NIPSNAP3B: variants seen among roughly 807,000 people sequenced by gnomAD.
NIPSNAP3B encodes the protein nipsnap homolog 3B, also known as protein NipSnap homolog 3B.
In NIPSNAP3B, 30 loss-of-function variants were observed where a neutral mutation model predicts 31.5. The observed-to-expected ratio is 0.95, with a 90% CI of 0.71 to 1.29. The LOEUF is 1.29. Among genes scored for constraint, NIPSNAP3B ranks in the 50% most tolerant of loss-of-function variants. The probability of loss-of-function intolerance (pLI) is 0.00; values close to 1 mark genes in which losing one functional copy is unlikely to be tolerated. For synonymous variants in NIPSNAP3B, 106 were observed against 107.9 expected (o/e 0.98, Z 0.11); for missense variants, 269 against 300.7 (o/e 0.89, Z 0.78).
In NIPSNAP3B at chr9:104,777,094, A is replaced by G. The variant is rs1828353066; in HGVS notation, c.*4021A>G. ...TGTCTGTTGGTTATAAGTTGCTGTC[A>G]CAGACTATGAAGGTATTTGAATTGT... On this transcript the variant is annotated 3_prime_UTR_variant, in exon 6 of 6. Transcript: ENST00000374762. 6.6e-6 allele frequency: 1 copy of G among 152,244 alleles called. No individual in the cohort carries two copies. The allele number at this position is 152,244 out of a possible 1,614,324, so 9.4% of individuals were successfully genotyped here. A position where few individuals can be genotyped will look rare whatever the true frequency, so the allele number is the denominator to read the frequency against.
Position 104,774,353 on chromosome 9 carries a change from G to A in NIPSNAP3B, c.*1280G>A, listed in dbSNP as rs1161989716. 6.6e-6 allele frequency among the ~76,000 whole-genome samples: 1 copy of A among 152,162 alleles called. No homozygotes were observed. On this transcript the variant is annotated 3_prime_UTR_variant, in exon 6 of 6. Coordinates refer to ENST00000374762, the MANE Select transcript of NIPSNAP3B (RefSeq NM_018376.4). Reference sequence around the variant, plus strand: ...TATTTATGAGAGGCAGGCAGTGGCAGCTTAAACAGACATACCTCCTCAGCA... The same window carrying A: ...TATTTATGAGAGGCAGGCAGTGGCAACTTAAACAGACATACCTCCTCAGCA...
chr9:104,778,255 A>G (rs1038031220), downstream of NIPSNAP3B, among the ~76,000 whole-genome samples: 5 of 151,610 alleles, frequency 3.3e-5, no homozygotes, highest in Non-Finnish European at 5.9e-5. Context: ...TTTTAGATGG[A>G]GTTTCGCTCT....
At chr9:104,789,045 G>C in the NIPSNAP3B span, among the ~76,000 whole-genome samples, 1 of 152,230 alleles carries the variant, frequency 6.6e-6, no homozygotes, top group East Asian at 1.9e-4. Flanking sequence ...TATGAAGCCA[G>C]TCAAGTGAAG....
At chr9:104,790,050 C>T in the NIPSNAP3B span, among the ~76,000 whole-genome samples, 4 of 151,284 alleles carry the variant, frequency 2.6e-5, no homozygotes, top group African/African-American at 9.7e-5. Flanking sequence ...GAGCCAAGGT[C>T]GCGCCATTGC....
At chr9:104,777,869 A>C (rs1394974072), downstream of NIPSNAP3B, among the ~76,000 whole-genome samples, 3 of 152,148 alleles carry the variant, frequency 2.0e-5, no homozygotes, top group Non-Finnish European at 4.4e-5. Context: ...AATCTATTCC[A>C]GTTAGGTCTG....
chr9:104,784,515 T>A, the NIPSNAP3B span: 1 of 1,602,818 alleles, frequency 6.2e-7, no homozygotes, highest in South Asian at 1.1e-5. Context: ...TTCTTTATTC[T>A]AGTTCTATTT....
the NIPSNAP3B span, among the ~76,000 whole-genome samples, chr9:104,789,886 G>A: frequency 1.6e-4 from 25 of 152,248 alleles, no homozygotes; most frequent in Admixed American, 9.1e-4. Context: ...CTGAGGTCAG[G>A]AGCTCGAGAC....
chr9:104,779,668 C>T (rs544185179), downstream of NIPSNAP3B, among the ~76,000 whole-genome samples: 26 of 149,988 alleles, frequency 1.7e-4, 1 homozygote, highest in South Asian at 1.7e-3. Flanking sequence ...TTACAAAGTG[C>T]CAAGTTTTTT....
At chr9:104,765,297 C>A (rs770139249) in intron 1 of NIPSNAP3B, among the ~76,000 whole-genome samples, 3 of 152,104 alleles carry the variant, frequency 2.0e-5, no homozygotes, top group Non-Finnish European at 4.4e-5. Context: ...GAAACTGTTG[C>A]GATAGATTAT....
the NIPSNAP3B span, among the ~76,000 whole-genome samples, chr9:104,786,113 G>A: frequency 6.6e-4 from 101 of 152,330 alleles, no homozygotes; most frequent in East Asian, 0.018. Flanking sequence ...AAGAGTCACA[G>A]AACCAGTAAA....
chr9:104,786,394 C>T, the NIPSNAP3B span: 357 of 1,613,358 alleles, frequency 2.2e-4, no homozygotes, highest in Non-Finnish European at 2.5e-4. Flanking sequence ...TTCCATACTG[C>T]GGTAAAACAG....
In NIPSNAP3B at chr9:104,765,642, G is replaced by A. The variant is rs145408637; in HGVS notation, c.61-683G>A. ...CTTCTTGATATTGCATCTGTAATTA[G>A]AAACAATGATGGAGACAATTCTCAT... On this transcript the variant is annotated intron_variant, in intron 1 of 5. Coordinates refer to ENST00000374762, the MANE Select transcript of NIPSNAP3B (RefSeq NM_018376.4). 1.5e-3 allele frequency among the ~76,000 whole-genome samples: 234 copies of A among 152,300 alleles called. 2 individuals are homozygous for A. The highest frequency in any genetic ancestry group is 3.9e-3 in the South Asian group (19 of 4,824).
chr9:104,788,625 C>T, the NIPSNAP3B span: 7 of 1,587,246 alleles, frequency 4.4e-6, no homozygotes, highest in Non-Finnish European at 6.0e-6. Context: ...TCTGGTTAGA[C>T]AATCTGGCCT....
chr9:104,788,319 C>T, the NIPSNAP3B span: 41 of 1,501,562 alleles, frequency 2.7e-5, no homozygotes, highest in African/African-American at 4.6e-4. Flanking sequence ...TGTGCTGCTG[C>T]ATTCATGAGG....
chr9:104,784,358 G>T, the NIPSNAP3B span: 1 of 1,614,134 alleles, frequency 6.2e-7, no homozygotes, highest in Non-Finnish European at 8.5e-7. Context: ...TAGAAAAGAT[G>T]TGAGAACTGC....
the NIPSNAP3B span, chr9:104,784,564 A>C: frequency 7.9e-7 from 1 of 1,270,292 alleles, no homozygotes; most frequent in South Asian, 1.3e-5. Flanking sequence ...GAGCATACAG[A>C]ATTACATAAA....
rs1440281967 is a variant in NIPSNAP3B, at chr9:104,772,821, GT to G, written c.582del (p.His195MetfsTer36). 1.1e-5 allele frequency: 17 copies of G among 1,611,842 alleles called. No individual in the cohort carries two copies. Among genetic ancestry groups the G allele is most frequent in the Non-Finnish European group, 1.4e-5 (17 of 1,178,930 alleles). On this transcript the variant is annotated frameshift_variant and splice_region_variant, in exon 5 of 6. Transcript: ENST00000374762. LOFTEE classifies it high-confidence loss of function. ...FHTEYGELNRVHVLWWNESAD... is the reference protein window; with the variant it reads ...FHTEYGELNRXHVLWWNESAD... ...AAACTACTTGTGGTTTATTTCTGCA[GT>G]TCATGTTCTTTGGTGGAATGAGAGT...
At chr9:104,787,004 T>C in the NIPSNAP3B span, 1 of 1,580,124 alleles carries the variant, frequency 6.3e-7, no homozygotes, top group South Asian at 1.1e-5. Flanking sequence ...TAAGTCTTAT[T>C]TGCTGGGGGG....
At chr9:104,767,130 C>T (rs2482426) in intron 2 of NIPSNAP3B, among the ~76,000 whole-genome samples, 50,214 of 151,674 alleles carry the variant, frequency 0.33, 9,927 homozygotes, top group Non-Finnish European at 0.44. Flanking sequence ...AAATAATTCA[C>T]CCATTTGGGA....
Sources: gnomAD v4.1 joint callset for allele counts (sites outside exome capture counted in the v4.1 genomes callset) on GRCh38, gnomAD v4.1.1 for gene constraint, MANE v1.5 for transcripts, NCBI Gene and HGNC (gene_info 2026-07-23, HGNC 2026-07-21) for gene names.